VWA8: variants seen among roughly 807,000 people sequenced by gnomAD.
VWA8 encodes the protein von Willebrand factor A domain containing 8.
A neutral mutation model predicts 241.5 loss-of-function variants in VWA8; 221 were observed. That is an observed-to-expected ratio of 0.91 (90% confidence interval 0.82 to 1.02). The LOEUF (loss-of-function observed/expected upper bound fraction) is 1.02, where lower values mean the gene tolerates loss of function less well. Among genes scored for constraint, VWA8 ranks in the 50% least tolerant of loss-of-function variants. The pLI, the probability that VWA8 is intolerant of heterozygous loss-of-function variation, is 0.00. For synonymous variants in VWA8, 852 were observed against 827.1 expected, an observed-to-expected ratio of 1.03 and a Z score of -0.52; for missense variants, 2,322 against 2,328.7, an observed-to-expected ratio of 1.00 and a Z score of 0.06.
At chr13:41,699,406 T>G (rs1273441793) in intron 28 of VWA8, 136 bp from the exon 29 acceptor site, 3 of 803,920 alleles carry the variant, frequency 3.7e-6, no homozygotes, top group African/African-American at 1.7e-5. Context: ...TATCATGGCT[T>G]GATTAGGCTG....
intron 2 of VWA8, among the ~76,000 whole-genome samples, chr13:41,920,855 T>C (rs535422426): frequency 1.3e-3 from 201 of 152,226 alleles, no homozygotes; most frequent in African/African-American, 4.6e-3. Flanking sequence ...CTACCAGAAG[T>C]ACAAAGAGGA....
rs753986493 is a variant in VWA8 at position 41,761,135 on chromosome 13, G to C, written c.2419C>G (p.Leu807Val). 2.5e-6 allele frequency: 4 copies of C among 1,611,458 alleles called. No individual in the cohort carries two copies. The highest frequency in any genetic ancestry group is 3.4e-6 in the Non-Finnish European group (4 of 1,178,272). The change falls in exon 21 of 45, where the codon CTA becomes GTA. Residue 807 changes from leucine (L) to valine (V), a missense_variant. Leu to Val is a conservative substitution (Grantham distance 32). Coordinates refer to ENST00000379310, the MANE Select transcript of VWA8 (RefSeq NM_015058.2). ...TGGGTCTAATAGTCTTACCTGTGTA[G>C]CTGAATATATTCTCGGGGTCTGTTG... The part of the protein sequence containing the change: ...LLNRPREYIQ[L>V]HRDTTVQTLT...
At chr13:41,922,797 G>A (rs2138128850) in intron 2 of VWA8, among the ~76,000 whole-genome samples, 1 of 152,334 alleles carries the variant, frequency 6.6e-6, no homozygotes, top group South Asian at 2.1e-4. Context: ...AGGTTCTAGA[G>A]AGGATGTGGA....
At chr13:41,693,009 G>GTTAT in intron 29 of VWA8, 37 bp from the exon 30 acceptor site, 6 of 1,057,742 alleles carry the variant, frequency 5.7e-6, no homozygotes, top group East Asian at 3.6e-5. Flanking sequence ...CTCAAGATTT[G>GTTAT]TTCTTTTTTT....
chr13:41,862,402 A>G (rs976793451), intron 12 of VWA8, among the ~76,000 whole-genome samples: 2 of 152,226 alleles, frequency 1.3e-5, no homozygotes, highest in African/African-American at 4.8e-5. Context: ...ATTTATGACT[A>G]AGACCACAAA....
intron 1 of VWA8, among the ~76,000 whole-genome samples, chr13:41,952,822 A>G (rs1878196203): frequency 6.6e-6 from 1 of 152,128 alleles, no homozygotes; most frequent in East Asian, 1.9e-4. Context: ...AACTGAGGAG[A>G]GTACAAAAAG....
At chr13:41,903,759 G>A (rs903278972) in intron 4 of VWA8, among the ~76,000 whole-genome samples, 3 of 152,152 alleles carry the variant, frequency 2.0e-5, no homozygotes, top group East Asian at 1.9e-4. Flanking sequence ...TGGATCTGAC[G>A]GTGGATGTAA....
intron 17 of VWA8, among the ~76,000 whole-genome samples, chr13:41,808,166 T>A (rs1363043741): frequency 6.6e-6 from 1 of 152,006 alleles, no homozygotes; most frequent in African/African-American, 2.4e-5. Context: ...AAAAATAAAC[T>A]TTTTTAAAAA....
intron 44 of VWA8, among the ~76,000 whole-genome samples, chr13:41,569,323 T>C (rs2044284397): frequency 6.6e-6 from 1 of 152,248 alleles, no homozygotes; most frequent in East Asian, 1.9e-4. Context: ...GAGCTTGTTG[T>C]CTGCCTAATA....
At chr13:41,806,194 T>C (rs1303726248) in intron 17 of VWA8, among the ~76,000 whole-genome samples, 2 of 151,218 alleles carry the variant, frequency 1.3e-5, no homozygotes, top group Non-Finnish European at 3.0e-5. Flanking sequence ...CAAATGAAAA[T>C]GGAAACACAC....
At chr13:41,571,863 G>A (rs1220694480) in intron 43 of VWA8, among the ~76,000 whole-genome samples, 5 of 151,178 alleles carry the variant, frequency 3.3e-5, no homozygotes, top group African/African-American at 1.2e-4. Context: ...GGGAAGTGAG[G>A]GGCGCCTCTT....
intron 24 of VWA8, among the ~76,000 whole-genome samples, chr13:41,725,212 G>C (rs574435891): frequency 6.6e-6 from 1 of 152,116 alleles, no homozygotes; most frequent in Admixed American, 6.6e-5. Context: ...AAAAAAGGCT[G>C]GGTAAAGGAG....
intron 29 of VWA8, among the ~76,000 whole-genome samples, chr13:41,698,604 T>A (rs2045229543): frequency 6.6e-6 from 1 of 152,162 alleles, no homozygotes; most frequent in East Asian, 1.9e-4. Context: ...GGGTCTCAGA[T>A]AAAATGTCGT....
intron 12 of VWA8, among the ~76,000 whole-genome samples, chr13:41,841,216 A>G (rs1871983342): frequency 6.6e-6 from 1 of 152,188 alleles, no homozygotes; most frequent in Admixed American, 6.5e-5. Flanking sequence ...CCATGAATAG[A>G]TTGCAGTTAA....
chr13:41,657,507 GA>G (rs2044915410), intron 37 of VWA8, among the ~76,000 whole-genome samples: 1 of 147,528 alleles, frequency 6.8e-6, no homozygotes, highest in Non-Finnish European at 1.5e-5. Context: ...TTTTGAAACG[GA>G]GTCTCACTCT....
chr13:41,889,441 C>A (rs1162975719), intron 5 of VWA8, among the ~76,000 whole-genome samples: 1 of 151,390 alleles, frequency 6.6e-6, no homozygotes, highest in Non-Finnish European at 1.5e-5. Context: ...TGCAGTGGTG[C>A]AATCCTGGCT....
At chr13:41,845,967 C>T (rs1163810076) in intron 12 of VWA8, among the ~76,000 whole-genome samples, 2 of 152,046 alleles carry the variant, frequency 1.3e-5, no homozygotes, top group Admixed American at 6.5e-5. Context: ...ACACGTACTT[C>T]CTGAATCTAA....
Position 41,611,686 on chromosome 13 carries a change from C to T in VWA8, c.4767G>A (p.Arg1589=). The T allele has an allele frequency of 6.2e-7, 1 of 1,614,062 alleles. No individual in the cohort carries two copies. The highest frequency in any genetic ancestry group is 1.1e-5 in the South Asian group (1 of 91,070). The change falls in exon 39 of 45, where the codon CGG becomes CGA. Residue 1589 remains arginine, a synonymous_variant. Coordinates refer to ENST00000379310, the MANE Select transcript of VWA8 (RefSeq NM_015058.2). ...AGLGGKGGPY[R]LDAGHTVYQV... ...GGTACACCGTATGGCCTGCATCCAG[C>T]CGGTAAGGGCCTCCTTTGCCACCCA...
chr13:41,581,237 C>G (rs945555793), intron 42 of VWA8, among the ~76,000 whole-genome samples: 3 of 77,270 alleles, frequency 3.9e-5, no homozygotes, highest in Middle Eastern at 6.3e-3. Flanking sequence ...CTCCTGACCT[C>G]GTGATCCGCC....
Sources: allele counts gnomAD v4.1 joint callset (sites outside exome capture counted in the v4.1 genomes callset), GRCh38; gene constraint gnomAD v4.1.1; transcripts MANE v1.5; gene names NCBI Gene and HGNC (gene_info 2026-07-23, HGNC 2026-07-21).